GNAS: variants seen among roughly 807,000 people sequenced by gnomAD.
GNAS encodes the protein GNAS complex locus, also known as protein ALEX.
A neutral mutation model predicts 54.5 loss-of-function variants in GNAS; 8 were observed. The observed-to-expected ratio is 0.15, with a 90% CI of 0.09 to 0.26. The LOEUF is 0.26. GNAS is among the 10% of genes least tolerant of loss of function. The probability of loss-of-function intolerance (pLI) is 1.00; values close to 1 mark genes in which losing one functional copy is unlikely to be tolerated. For missense variants in GNAS, 170 were observed against 529.8 expected, an observed-to-expected ratio of 0.32 and a Z score of 6.67; for synonymous variants, 204 against 191.4, an observed-to-expected ratio of 1.07 and a Z score of -0.54.
In GNAS at chr20:58,872,348, TA is replaced by T. The variant is rs11481552; in HGVS notation, c.44-23253del. Among the ~76,000 whole-genome samples, 97 of 150,108 alleles carry T rather than the reference TA, an allele frequency of 6.5e-4. 1 individual carries two copies. Among genetic ancestry groups the T allele is most frequent in the South Asian group, 2.3e-3 (11 of 4,762 alleles). ...GCACACAGAGAACCTTCTAGTTCTT[TA>T]AAAAAAAAAATCATAAATTTTTAAA... On this transcript the variant is annotated intron_variant, in intron 1 of 12. Coordinates refer to the GNAS transcript ENST00000306090.
chr20:58,867,432 G>A (rs185998834), intron 1 of GNAS: 1 of 152,196 alleles, frequency 6.6e-6, no homozygotes, highest in Non-Finnish European at 1.5e-5. Context: ...AGTCATTCTG[G>A]AGCGCTCTTA....
chr20:58,893,101 G>A (rs1442245740), intron 1 of GNAS, among the ~76,000 whole-genome samples: 1 of 115,986 alleles, frequency 8.6e-6, no homozygotes, highest in African/African-American at 3.8e-5. Flanking sequence ...TCCTCCTCAA[G>A]GTGGGAGGGG....
chr20:58,893,244 A>AT (rs1315977380), intron 1 of GNAS, among the ~76,000 whole-genome samples: 1 of 144,484 alleles, frequency 6.9e-6, no homozygotes, highest in Non-Finnish European at 1.5e-5. Context: ...TTTTCCTCTG[A>AT]TTAAAAAAAT....
chr20:58,889,251 CCGGGCTG>C (rs1447276292), upstream of GNAS: 1 of 1,115,928 alleles, frequency 9.0e-7, no homozygotes, highest in Non-Finnish European at 1.1e-6. Context: ...CTCTCTGGCT[CCGGGCTG>C]CGGCGCGGCG....
In GNAS at chr20:58,853,477, C is replaced by G. The variant is rs1221978398; in HGVS notation, c.43+12591C>G. On this transcript the variant is annotated intron_variant, in intron 1 of 12. Coordinates refer to the GNAS transcript ENST00000306090. This position sits in a 1 kb window ranked among gnomAD's most constrained non-coding sequence, Gnocchi z 4.4. The stretch of plus-strand genomic sequence containing the variant: ...AATGATGGCGAGGCCTGTGGACCCC[C>G]AGAGGTCTCCAGACCCAACTTTCAG... 6.2e-7 allele frequency: 1 copy of G among 1,612,870 alleles called. No individual in the cohort carries two copies. The highest frequency in any genetic ancestry group is 1.7e-5 in the Admixed American group (1 of 59,972).
At position 58,840,871 on chromosome 20, in the gene GNAS, G is replaced by A; in HGVS notation, c.28G>A (p.Val10Ile). 1 of 1,612,798 alleles carries A rather than the reference G, an allele frequency of 6.2e-7. No homozygotes were observed. The change falls in exon 1 of 13, where the codon GTT becomes ATT. Residue 10 changes from valine (V) to isoleucine (I), a missense_variant. Physicochemically the swap from Val to Ile is conservative, Grantham distance 29. Transcript: ENST00000306090. The surrounding 1 kb of genome is among the most constrained non-coding windows in gnomAD (Gnocchi z 6.0). ...GGAGGACGCCGTCCAGATTCTCCTT[G>A]TTTTCATGGATTCAGGTTAGTTGCC...
rs200453010 is a variant in GNAS at position 58,910,102 on chromosome 20, T to G, written c.970+21T>G. 6.2e-7 allele frequency: 1 copy of G among 1,613,044 alleles called. No homozygotes were observed. The highest frequency in any genetic ancestry group is 2.2e-5 in the East Asian group (1 of 44,882). ...GGATGGTGTGTATGGCTTCCACTCT[T>G]GCTGGCTGTTCATTGCGGTGGTTCT... On this transcript the variant is annotated intron_variant, in intron 11 of 12. Transcript: ENST00000371085. The surrounding 1 kb of genome is among the most constrained non-coding windows in gnomAD (Gnocchi z 5.8).
chr20:58,855,639 C>A, intron 1 of GNAS: 1 of 707,674 alleles, frequency 1.4e-6, no homozygotes, highest in South Asian at 1.5e-5. Flanking sequence ...CAGGCAGGGG[C>A]TTCAGGTGAG....
At chr20:58,900,290 T>G in intron 3 of GNAS, 1 of 403,562 alleles carries the variant, frequency 2.5e-6, no homozygotes, top group Non-Finnish European at 4.5e-6. Flanking sequence ...GTACTAGATG[T>G]CCTGCTAAAC....
intron 1 of GNAS, chr20:58,854,688 G>A (rs2145574733): frequency 6.5e-7 from 1 of 1,528,072 alleles, no homozygotes; most frequent in Non-Finnish European, 8.7e-7. Context: ...TGAGGCTCCC[G>A]CCGCCCCTGC....
At chr20:58,908,076 T>C (rs1259327645) in intron 6 of GNAS, among the ~76,000 whole-genome samples, 1 of 152,214 alleles carries the variant, frequency 6.6e-6, no homozygotes, top group Non-Finnish European at 1.5e-5. Context: ...GTATATCCTC[T>C]AAGCCAGACT....
chr20:58,879,898 G>C (rs529257450), intron 1 of GNAS, among the ~76,000 whole-genome samples: 163 of 152,104 alleles, frequency 1.1e-3, no homozygotes, highest in African/African-American at 3.7e-3. Context: ...GCTCAATCCA[G>C]CCAGCAAAAA....
upstream of GNAS, chr20:58,840,144 C>T (rs778940007): frequency 1.2e-6 from 2 of 1,611,598 alleles, no homozygotes; most frequent in Admixed American, 3.3e-5. This position sits in a 1 kb window ranked among gnomAD's most constrained non-coding sequence, Gnocchi z 6.0. Flanking sequence ...TGGCGCCGAG[C>T]TCGCCATAAT....
upstream of GNAS, chr20:58,889,267 C>A: frequency 9.6e-7 from 1 of 1,044,324 alleles, no homozygotes; most frequent in South Asian, 2.8e-5. Context: ...TGCGGCGCGG[C>A]GGCTGGAGCG....
At chr20:58,859,981 C>CAGATA (rs11474082) in intron 1 of GNAS, among the ~76,000 whole-genome samples, 48,024 of 151,874 alleles carry the variant, frequency 0.32, 10,279 homozygotes, top group African/African-American at 0.61. Flanking sequence ...ATTTCAAATT[C>CAGATA]AGATAATGCT....
chr20:58,873,959 C>T lies in GNAS; in HGVS notation c.44-21653C>T, dbSNP rs2145731065. On this transcript the variant is annotated intron_variant, in intron 1 of 12. Coordinates refer to the GNAS transcript ENST00000306090. This position sits in a 1 kb window ranked among gnomAD's most constrained non-coding sequence, Gnocchi z 4.3. ...TTGAGCACACCAAATCAGAGGTTACCTAAAAGTGTCATGAGTGCTGATAAT... is the reference window on the plus strand; with the variant it reads ...TTGAGCACACCAAATCAGAGGTTACTTAAAAGTGTCATGAGTGCTGATAAT... 6.6e-6 allele frequency among the ~76,000 whole-genome samples: 1 copy of T among 152,292 alleles called. No individual in the cohort carries two copies. Among genetic ancestry groups the T allele is most frequent in the South Asian group, 2.1e-4 (1 of 4,814 alleles).
chr20:58,851,770 A>C (rs1188941391), intron 1 of GNAS, among the ~76,000 whole-genome samples: 6 of 151,698 alleles, frequency 4.0e-5, no homozygotes, highest in Non-Finnish European at 8.9e-5. Flanking sequence ...CTAGCAGTAG[A>C]AAAGTAAAGC....
In GNAS at chr20:58,909,560, G is replaced by A. The variant is rs780331721; in HGVS notation, c.699G>A (p.Lys233=). 2.0e-5 allele frequency: 33 copies of A among 1,614,104 alleles called. No homozygotes were observed. In the Admixed American group the frequency reaches 5.5e-4, roughly 27 times the overall value. Residue 233 remains lysine, a synonymous_variant, in exon 9 of 13, where the codon AAG becomes AAA. Transcript: ENST00000371085. The surrounding 1 kb of genome is among the most constrained non-coding windows in gnomAD (Gnocchi z 7.3). ...GTGGCCAGCGCGATGAACGCCGCAAGTGGATCCAGTGCTTCAACGGTAGGA... is the reference window on the plus strand; with the variant it reads ...GTGGCCAGCGCGATGAACGCCGCAAATGGATCCAGTGCTTCAACGGTAGGA... ...DVGGQRDERR[K]WIQCFNDVTA...
At chr20:58,905,212 C>T (rs191603659) in intron 5 of GNAS, among the ~76,000 whole-genome samples, 171 bp from the exon 6 acceptor site, 5 of 152,250 alleles carry the variant, frequency 3.3e-5, no homozygotes, top group African/African-American at 1.2e-4. Context: ...ATATGTTTAA[C>T]GTGTTGAATT....
Sources: allele counts gnomAD v4.1 joint callset (sites outside exome capture counted in the v4.1 genomes callset), GRCh38; gene constraint gnomAD v4.1.1; non-coding constraint Gnocchi (gnomAD v3.1); transcripts MANE v1.5; gene names NCBI Gene and HGNC (gene_info 2026-07-23, HGNC 2026-07-21).